The following PRKN variants were observed in gnomAD, a reference collection of about 807,000 sequenced individuals.
PRKN encodes the protein parkin RBR E3 ubiquitin protein ligase.
Under a neutral mutation model 59.5 loss-of-function variants are expected in PRKN, and 56 were observed. The observed-to-expected ratio is 0.94, with a 90% CI of 0.76 to 1.18. The LOEUF is 1.18. Among genes scored for constraint, PRKN ranks in the 50% most tolerant of loss-of-function variants. The pLI, the probability that PRKN is intolerant of heterozygous loss-of-function variation, is 0.00. For missense variants in PRKN, 657 were observed against 596.4 expected, an observed-to-expected ratio of 1.10 and a Z score of -1.06; for synonymous variants, 250 against 222.1, an observed-to-expected ratio of 1.13 and a Z score of -1.12.
At chr6:161,406,219 T>C (rs201587429) in intron 9 of PRKN, among the ~76,000 whole-genome samples, 3 of 89,486 alleles carry the variant, frequency 3.4e-5, no homozygotes, top group East Asian at 4.7e-4. Context: ...CATATATACA[T>C]ATATATATAT....
intron 2 of PRKN, among the ~76,000 whole-genome samples, chr6:162,304,489 TTCTATCTATCTATCTATCTATCTA>T (rs6149895): frequency 0.012 from 1,501 of 128,644 alleles, 53 homozygotes; most frequent in Admixed American, 0.018. Context: ...ACTCATCCAG[TTCTATCTATCTATCTATCTATCTA>T]TCTATCTATC....
Position 161,435,824 on chromosome 6 carries a change from G to T in PRKN, c.1084-48947C>A, listed in dbSNP as rs991942533. On this transcript the variant is annotated intron_variant, in intron 9 of 11. Transcript: ENST00000366898. ...TGTATCTACATGAAAACTCCTCCAG[G>T]ATTTCCTTTCCTCATGAAGTGTGTG... Among the ~76,000 whole-genome samples, 75 of 138,116 alleles carry T rather than the reference G, an allele frequency of 5.4e-4. 2 individuals carry two copies. The Admixed American group carries it at 5.6e-3, about 10-fold the overall frequency. 90.6% of individuals were successfully genotyped at this position (138,116 alleles called of 152,430 possible). A position where few individuals can be genotyped will look rare whatever the true frequency, so the allele number is the denominator to read the frequency against.
chr6:162,325,433 G>A (rs1348662167), intron 2 of PRKN, among the ~76,000 whole-genome samples: 2 of 152,108 alleles, frequency 1.3e-5, no homozygotes, highest in African/African-American at 2.4e-5. Flanking sequence ...CTATAAAAAT[G>A]TCAATGGCTC....
chr6:162,156,348 G>A (rs1001309355), intron 4 of PRKN, among the ~76,000 whole-genome samples: 1 of 152,154 alleles, frequency 6.6e-6, no homozygotes, highest in Non-Finnish European at 1.5e-5. Context: ...ACGATCACAA[G>A]GTGAAATCCC....
intron 4 of PRKN, among the ~76,000 whole-genome samples, chr6:162,094,627 G>C (rs547343096): frequency 6.6e-6 from 1 of 152,218 alleles, no homozygotes; most frequent in East Asian, 1.9e-4. Flanking sequence ...TGACTGGAAA[G>C]ACTATTCATA....
intron 9 of PRKN, among the ~76,000 whole-genome samples, chr6:161,398,224 G>C (rs1304355155): frequency 6.6e-6 from 1 of 152,096 alleles, no homozygotes; most frequent in Non-Finnish European, 1.5e-5. Context: ...CTGGAGTCTA[G>C]GGGGAGAGGA....
intron 1 of PRKN, among the ~76,000 whole-genome samples, chr6:162,679,903 T>A (rs1779704833): frequency 6.6e-6 from 1 of 152,164 alleles, no homozygotes; most frequent in African/African-American, 2.4e-5. Flanking sequence ...GGTTAAAGCC[T>A]TAGGGTCAGC....
intron 1 of PRKN, among the ~76,000 whole-genome samples, chr6:162,646,263 A>C (rs965945539): frequency 2.6e-5 from 3 of 114,432 alleles, no homozygotes; most frequent in Non-Finnish European, 5.4e-5. Context: ...TAAAATTAAA[A>C]TACAAAGTTT....
chr6:161,422,197 CT>C (rs527857631), intron 9 of PRKN, among the ~76,000 whole-genome samples: 2,493 of 130,060 alleles, frequency 0.019, 41 homozygotes, highest in African/African-American at 0.061. Context: ...CAAATAAAAT[CT>C]TTTTTTTTTT....
At chr6:162,307,845 ATTACGATATAAAAAGTGG>A (rs547481450) in intron 2 of PRKN, among the ~76,000 whole-genome samples, 5,769 of 152,310 alleles carry the variant, frequency 0.038, 347 homozygotes, top group African/African-American at 0.13. Flanking sequence ...CCTTTCAGCT[ATTACGATATAAAAAGTGG>A]TTATTGTTAA....
At position 161,484,247 on chromosome 6, in the gene PRKN, G is replaced by C. The variant is rs77994122; in HGVS notation, c.1083+64607C>G. Among the ~76,000 whole-genome samples, 497 of 152,182 alleles carry C rather than the reference G, an allele frequency of 3.3e-3. 2 individuals are homozygous for C. The highest frequency in any genetic ancestry group is 0.011 in the African/African-American group (467 of 41,528). On this transcript the variant is annotated intron_variant, in intron 9 of 11. Transcript: ENST00000366898. This position sits in a 1 kb window ranked among gnomAD's most constrained non-coding sequence, Gnocchi z 4.9. The stretch of plus-strand genomic sequence containing the variant: ...GGGTTTCAGCTTAAAGAAAATTTCT[G>C]GGTTTTGCACATGGCCATTTTCTGA...
At chr6:161,841,486 A>G (rs1422716357) in intron 6 of PRKN, among the ~76,000 whole-genome samples, 1 of 151,794 alleles carries the variant, frequency 6.6e-6, no homozygotes, top group Non-Finnish European at 1.5e-5. Context: ...AGTAGCTGGG[A>G]TTACAGGCGT....
intron 6 of PRKN, among the ~76,000 whole-genome samples, chr6:161,889,913 G>T (rs2128231776): frequency 6.6e-6 from 1 of 152,128 alleles, no homozygotes; most frequent in Non-Finnish European, 1.5e-5. Flanking sequence ...TTGCTAAGAA[G>T]CTTAAAATAA....
intron 4 of PRKN, among the ~76,000 whole-genome samples, chr6:162,199,492 T>C (rs1341924398): frequency 6.6e-6 from 1 of 152,152 alleles, no homozygotes; most frequent in Non-Finnish European, 1.5e-5. Context: ...TACCAGGAAG[T>C]TGGTATAAAT....
chr6:162,701,516 C>T (rs1778151110), intron 1 of PRKN, among the ~76,000 whole-genome samples: 1 of 151,352 alleles, frequency 6.6e-6, no homozygotes, highest in Non-Finnish European at 1.5e-5. Context: ...TGGAATTAAC[C>T]CTATAACAAC....
chr6:162,372,992 T>C (rs7752854), intron 2 of PRKN, among the ~76,000 whole-genome samples: 40,371 of 151,946 alleles, frequency 0.27, 5,584 homozygotes, highest in African/African-American at 0.3. Flanking sequence ...ATGTAGACCA[T>C]GCACCTTTAT....
chr6:162,534,172 G>A (rs969964617), intron 1 of PRKN, among the ~76,000 whole-genome samples: 2 of 152,090 alleles, frequency 1.3e-5, no homozygotes, highest in Admixed American at 6.6e-5. Context: ...ATGATGTTCA[G>A]ATCTTATGTG....
intron 2 of PRKN, among the ~76,000 whole-genome samples, chr6:162,275,785 C>CAA (rs60313068): frequency 5.6e-4 from 73 of 130,104 alleles, no homozygotes; most frequent in East Asian, 2.5e-3. Flanking sequence ...AAATCCGTCT[C>CAA]AAAAAAAAAA....
rs1790281208 is a variant in PRKN, at chr6:161,462,776, C to T, written c.1084-75899G>A. ...CTCTGGAGAACGGTAGCAATAAAAA[C>T]ACACAGAATACACTTTCATCCCAAA... On this transcript the variant is annotated intron_variant, in intron 9 of 11. Transcript: ENST00000366898. The surrounding 1 kb of genome is among the most constrained non-coding windows in gnomAD (Gnocchi z 4.5). 6.6e-6 allele frequency among the ~76,000 whole-genome samples: 1 copy of T among 152,176 alleles called. No individual in the cohort carries two copies. Among genetic ancestry groups the T allele is most frequent in the African/African-American group, 2.4e-5 (1 of 41,454 alleles).
Sources: gnomAD v4.1 joint callset for allele counts (sites outside exome capture counted in the v4.1 genomes callset) on GRCh38, gnomAD v4.1.1 for gene constraint, Gnocchi (gnomAD v3.1) non-coding constraint, MANE v1.5 for transcripts, NCBI Gene and HGNC (gene_info 2026-07-23, HGNC 2026-07-21) for gene names.